The following ITFG2 variants were observed in gnomAD, a reference collection of about 807,000 sequenced individuals.
ITFG2 encodes KICSTOR complex protein ITFG2.
In ITFG2, 36 loss-of-function variants were observed where a neutral mutation model predicts 54.4. The ratio of observed to expected loss-of-function variants is 0.66; its 90% CI spans 0.51 to 0.87. The LOEUF (loss-of-function observed/expected upper bound fraction) is 0.87. ITFG2 is among the 40% of genes least tolerant of loss of function. ITFG2 has a pLI of 0.00. For missense variants in ITFG2, 524 were observed against 576.7 expected, an observed-to-expected ratio of 0.91 and a Z score of 0.94; for synonymous variants, 211 against 225.4, an observed-to-expected ratio of 0.94 and a Z score of 0.57.
chr12:2,820,628 GCCCCC>G, intron 5 of ITFG2, 91 bp from the exon 6 acceptor site: 3 of 251,778 alleles, frequency 1.2e-5, no homozygotes, highest in Non-Finnish European at 1.6e-5. Context: ...CCCTGCCCCT[GCCCCC>G]GCCCCCGCCC....
intron 3 of ITFG2, chr12:2,858,446 GA>G (rs2098096298): frequency 3.5e-6 from 2 of 563,796 alleles, no homozygotes; most frequent in African/African-American, 3.7e-5. Context: ...AGAGGAATCA[GA>G]TACTCTTGGG....
chr12:2,841,138 G>A (rs2098040080), intron 2 of ITFG2: 1 of 152,594 alleles, frequency 6.6e-6, no homozygotes, highest in Non-Finnish European at 1.5e-5. Context: ...CAACAGACTG[G>A]CTGCAGTACA....
intron 2 of ITFG2, chr12:2,854,873 T>A (rs2098082259): frequency 6.6e-7 from 1 of 1,512,564 alleles, no homozygotes; most frequent in African/African-American, 1.4e-5. Flanking sequence ...CTGGGTGGGC[T>A]CCCTGAGGAG....
intron 4 of ITFG2, 156 bp from the exon 5 acceptor site, chr12:2,819,930 C>T (rs1009866873): frequency 7.8e-6 from 7 of 894,322 alleles, no homozygotes; most frequent in South Asian, 6.5e-5. Context: ...GGCAAGATGC[C>T]GCAAACACAG....
At chr12:2,813,424 G>C (rs1015054796) in intron 1 of ITFG2, among the ~76,000 whole-genome samples, 1 of 152,156 alleles carries the variant, frequency 6.6e-6, no homozygotes, top group Non-Finnish European at 1.5e-5. Flanking sequence ...AATCTTTACT[G>C]AACTGCTCAT....
At chr12:2,825,967 T>C (rs1309389105), downstream of ITFG2, 1 of 152,200 alleles carries the variant, frequency 6.6e-6, no homozygotes, top group Non-Finnish European at 1.5e-5. Context: ...TTTTGCCATA[T>C]TACCCAGGCT....
chr12:2,856,706 T>G (rs993882821), intron 2 of ITFG2, among the ~76,000 whole-genome samples: 2 of 152,216 alleles, frequency 1.3e-5, no homozygotes, highest in African/African-American at 4.8e-5. Context: ...TTTCTTGAGC[T>G]TGGGCCCCTA....
chr12:2,826,643 G>A (rs1164245695), downstream of ITFG2: 2 of 157,340 alleles, frequency 1.3e-5, no homozygotes, highest in South Asian at 1.9e-4. Context: ...ACTAACTCCC[G>A]CTCTTTGTTG....
chr12:2,857,082 C>G (rs1332482706), intron 2 of ITFG2: 5 of 702,614 alleles, frequency 7.1e-6, no homozygotes, highest in Non-Finnish European at 1.3e-5. Flanking sequence ...CTTTCTGGCA[C>G]CATTGTTTAC....
At chr12:2,828,514 A>G, downstream of ITFG2, 1 of 906,464 alleles carries the variant, frequency 1.1e-6, no homozygotes, top group East Asian at 2.4e-5. Context: ...CCTCCTAGAA[A>G]TGAGTGGAGA....
At chr12:2,812,961 G>A (rs1037650657) in intron 1 of ITFG2, 105 bp downstream of exon 1, 4 of 934,498 alleles carry the variant, frequency 4.3e-6, no homozygotes, top group Non-Finnish European at 6.8e-6. Context: ...GAGCATGCGC[G>A]CTGTGGCTAG....
chr12:2,859,322 CCT>C, intron 3 of ITFG2: 2 of 1,613,480 alleles, frequency 1.2e-6, no homozygotes, highest in Non-Finnish European at 1.7e-6. Flanking sequence ...CCCTCCTCTC[CCT>C]GTGTTGAATC....
intron 2 of ITFG2, among the ~76,000 whole-genome samples, chr12:2,853,227 C>A (rs2098076590): frequency 6.6e-6 from 1 of 152,084 alleles, no homozygotes; most frequent in Non-Finnish European, 1.5e-5. Flanking sequence ...CAGGGAGAAG[C>A]CTGGGTCCCC....
At chr12:2,836,030 T>G (rs1041795001), upstream of ITFG2, among the ~76,000 whole-genome samples, 3 of 152,210 alleles carry the variant, frequency 2.0e-5, no homozygotes, top group Non-Finnish European at 4.4e-5. Flanking sequence ...TGAGGAAATG[T>G]AGGTTATTTT....
At chr12:2,831,365 C>A (rs2098001856), downstream of ITFG2, among the ~76,000 whole-genome samples, 1 of 151,980 alleles carries the variant, frequency 6.6e-6, no homozygotes, top group Non-Finnish European at 1.5e-5. Flanking sequence ...GGGTGGATCA[C>A]TTGAGGTCAG....
intron 2 of ITFG2, among the ~76,000 whole-genome samples, chr12:2,853,594 T>G (rs2098078140): frequency 6.8e-6 from 1 of 147,916 alleles, no homozygotes. Flanking sequence ...TTGTTGTTGT[T>G]GTTTTTGTTT....
chr12:2,828,551 T>C, downstream of ITFG2: 1 of 726,622 alleles, frequency 1.4e-6, no homozygotes, highest in Non-Finnish European at 2.3e-6. Context: ...AAACTGGCTT[T>C]TATCGGGGCC....
At chr12:2,835,156 C>CGTCTGTGTGTGTGTGTGTGTGTGT, upstream of ITFG2, 1 of 1,299,410 alleles carries the variant, frequency 7.7e-7, no homozygotes, top group East Asian at 3.8e-5. Flanking sequence ...GTGGATGGGG[C>CGTCTGTGTGTGTGTGTGTGTGTGT]GTATGTGTGT....
At chr12:2,850,978 CTTTTTTTTTTT>C (rs35125854) in intron 2 of ITFG2, among the ~76,000 whole-genome samples, 1 of 81,666 alleles carries the variant, frequency 1.2e-5, no homozygotes, top group Non-Finnish European at 2.2e-5. Context: ...GGCCCAGAGT[CTTTTTTTTTTT>C]TTTTTTTTTT....
Sources: allele counts gnomAD v4.1 joint callset (sites outside exome capture counted in the v4.1 genomes callset), GRCh38; gene constraint gnomAD v4.1.1; transcripts MANE v1.5; gene names NCBI Gene and HGNC (gene_info 2026-07-23, HGNC 2026-07-21).